Variants in RANBP2 observed in about 807,000 individuals in gnomAD.
RANBP2 encodes E3 SUMO-protein ligase RanBP2.
Under a neutral mutation model 303.6 loss-of-function variants are expected in RANBP2, and 57 were observed. The observed-to-expected ratio is 0.19, with a 90% CI of 0.15 to 0.23. RANBP2 has a LOEUF of 0.23. Ranked by LOEUF, RANBP2 falls within the 10% of genes least tolerant of loss-of-function variation. The pLI is 1.00. For synonymous variants in RANBP2, 1,167 were observed against 1,301.5 expected (o/e 0.90, Z 2.23); for missense variants, 3,138 against 3,780.8 (o/e 0.83, Z 4.46).
At chr2:109,184,370 G>C in the RANBP2 span, among the ~76,000 whole-genome samples, 1 of 152,224 alleles carries the variant, frequency 6.6e-6, no homozygotes, top group Non-Finnish European at 1.5e-5. Context: ...TTCCTAGCAG[G>C]ATGAAATGCA....
chr2:108,752,645 T>TA (rs1675989791), intron 12 of RANBP2, among the ~76,000 whole-genome samples: 1 of 142,176 alleles, frequency 7.0e-6, no homozygotes, highest in South Asian at 2.2e-4. Flanking sequence ...AAGAAAAAAT[T>TA]AGCCGGGCGT....
chr2:109,078,096 A>ATATATATATATATATATATATATGGCG, the RANBP2 span, among the ~76,000 whole-genome samples: 2 of 54,652 alleles, frequency 3.7e-5, no homozygotes, highest in African/African-American at 2.1e-4. Flanking sequence ...ATATATATAT[A>ATATATATATATATATATATATATGGCG]TATATATATA....
At chr2:109,128,847 T>C in the RANBP2 span, 1 of 243,980 alleles carries the variant, frequency 4.1e-6, no homozygotes, top group African/African-American at 2.4e-5. Flanking sequence ...GCAGGAGAGG[T>C]TCCCCGGAGC....
chr2:109,265,340 C>A, the RANBP2 span, among the ~76,000 whole-genome samples: 1 of 152,254 alleles, frequency 6.6e-6, no homozygotes, highest in African/African-American at 2.4e-5. Context: ...CAAAATACTG[C>A]AAAATGGAAG....
At chr2:109,535,977 G>C in the RANBP2 span, among the ~76,000 whole-genome samples, 1 of 149,064 alleles carries the variant, frequency 6.7e-6, no homozygotes, top group African/African-American at 2.5e-5. Context: ...ATTGAGGTTT[G>C]GGAACCTCTG....
the RANBP2 span, chr2:109,141,567 G>C: frequency 6.5e-6 from 1 of 154,920 alleles, no homozygotes; most frequent in African/African-American, 2.4e-5. Context: ...ACAGGTGTAG[G>C]CTGAAGCTCC....
the RANBP2 span, among the ~76,000 whole-genome samples, chr2:109,219,843 C>G: frequency 6.6e-6 from 1 of 152,164 alleles, no homozygotes; most frequent in East Asian, 1.9e-4. Flanking sequence ...TGAGATGACA[C>G]TACTACTCAA....
At chr2:109,297,578 G>A in the RANBP2 span, among the ~76,000 whole-genome samples, 2 of 137,232 alleles carry the variant, frequency 1.5e-5, no homozygotes, top group African/African-American at 5.6e-5. Context: ...CTAGGCCAGT[G>A]TCCCCAACCC....
the RANBP2 span, among the ~76,000 whole-genome samples, chr2:109,233,971 G>A: frequency 4.6e-5 from 7 of 152,168 alleles, no homozygotes; most frequent in Admixed American, 1.3e-4. Flanking sequence ...TATTTGAATT[G>A]TTTCCAGTTT....
chr2:109,212,225 T>C, the RANBP2 span, among the ~76,000 whole-genome samples: 6 of 152,170 alleles, frequency 3.9e-5, no homozygotes, highest in African/African-American at 1.4e-4. Context: ...CTTCCTCCTC[T>C]TCTTGACTCC....
the RANBP2 span, among the ~76,000 whole-genome samples, chr2:109,182,629 A>G: frequency 1.3e-5 from 2 of 152,252 alleles, no homozygotes; most frequent in Non-Finnish European, 1.5e-5. Context: ...TGGTGACTAA[A>G]GGAATGAATG....
In RANBP2 at chr2:108,777,112, C is replaced by G. The variant is rs781507647; in HGVS notation, c.8498-18C>G. 1.2e-5 allele frequency: 19 copies of G among 1,606,490 alleles called. No homozygotes were observed. In the South Asian group the frequency reaches 2.0e-4, roughly 17 times the overall value. On this transcript the variant is annotated intron_variant, in intron 24 of 28. Transcript: ENST00000283195. The stretch of plus-strand genomic sequence containing the variant: ...AGCACAAATTAAATAGTAAATTGTT[C>G]TTTTTTTCTTTTGCCAGGGGAAAGC...
the RANBP2 span, among the ~76,000 whole-genome samples, chr2:109,592,196 G>A: frequency 6.6e-6 from 1 of 152,078 alleles, no homozygotes; most frequent in African/African-American, 2.4e-5. Flanking sequence ...CGGGCGTGGT[G>A]GCTCACGCCT....
At chr2:109,590,604 G>GT in the RANBP2 span, among the ~76,000 whole-genome samples, 2 of 152,124 alleles carry the variant, frequency 1.3e-5, no homozygotes, top group South Asian at 4.2e-4. Context: ...ACTAATTTTT[G>GT]TATTTTTAGT....
At chr2:108,748,816 G>A in intron 8 of RANBP2, 104 bp from the exon 9 acceptor site, 3 of 1,606,160 alleles carry the variant, frequency 1.9e-6, no homozygotes, top group Non-Finnish European at 2.6e-6. Flanking sequence ...GGTTAGGTAT[G>A]CAGTAATCAT....
chr2:109,174,154 G>T, the RANBP2 span, among the ~76,000 whole-genome samples: 1 of 152,246 alleles, frequency 6.6e-6, no homozygotes, highest in East Asian at 1.9e-4. Context: ...CCAACCAGAG[G>T]CTCCAGGATG....
At chr2:108,863,373 C>A in the RANBP2 span, among the ~76,000 whole-genome samples, 1 of 152,124 alleles carries the variant, frequency 6.6e-6, no homozygotes, top group African/African-American at 2.4e-5. Flanking sequence ...TTTTTAATAA[C>A]TGAAGAATAT....
chr2:108,849,952 AC>A, the RANBP2 span, among the ~76,000 whole-genome samples: 3 of 152,196 alleles, frequency 2.0e-5, no homozygotes, highest in African/African-American at 4.8e-5. Flanking sequence ...TGCACACAAG[AC>A]CTGGGGCTAG....
chr2:109,439,870 A>G, the RANBP2 span, among the ~76,000 whole-genome samples: 1 of 152,154 alleles, frequency 6.6e-6, no homozygotes, highest in Non-Finnish European at 1.5e-5. Context: ...GGGTTTGCTA[A>G]AGGGCTGCAA....
Sources: gnomAD v4.1 joint callset for allele counts (sites outside exome capture counted in the v4.1 genomes callset) on GRCh38, gnomAD v4.1.1 for gene constraint, MANE v1.5 for transcripts, NCBI Gene and HGNC (gene_info 2026-07-23, HGNC 2026-07-21) for gene names.